The following STOX2 variants were observed in gnomAD, a reference collection of about 807,000 sequenced individuals.
STOX2 encodes storkhead box 2.
In STOX2, 28 loss-of-function variants were observed where a neutral mutation model predicts 60.9. The ratio of observed to expected loss-of-function variants is 0.46; its 90% CI spans 0.34 to 0.63. STOX2 has a LOEUF of 0.63. Ranked by LOEUF, STOX2 falls within the 30% of genes least tolerant of loss-of-function variation. The pLI is 0.01. For synonymous variants in STOX2, 472 were observed against 463.9 expected, an observed-to-expected ratio of 1.02 and a Z score of -0.22; for missense variants, 1,024 against 1,187.7, an observed-to-expected ratio of 0.86 and a Z score of 2.03.
intron 1 of STOX2, among the ~76,000 whole-genome samples, chr4:183,907,380 C>A (rs62339673): frequency 0.53 from 80,050 of 152,004 alleles, 22,561 homozygotes; most frequent in Non-Finnish European, 0.63. Context: ...AGGTTCCATG[C>A]GCAGCTCTGG....
At chr4:183,813,461 T>C (rs1000029618) in intron 1 of STOX2, among the ~76,000 whole-genome samples, 2 of 152,216 alleles carry the variant, frequency 1.3e-5, no homozygotes, top group South Asian at 4.1e-4. Flanking sequence ...AAGCTAGAGA[T>C]GATTTAAAGA....
At chr4:183,840,326 G>A (rs1739825581) in intron 1 of STOX2, among the ~76,000 whole-genome samples, 1 of 152,094 alleles carries the variant, frequency 6.6e-6, no homozygotes. Flanking sequence ...TGTTACAAAT[G>A]TCTTTTCTTT....
intron 1 of STOX2, among the ~76,000 whole-genome samples, chr4:183,810,542 G>A (rs1347970244): frequency 1.3e-5 from 2 of 152,102 alleles, no homozygotes; most frequent in Non-Finnish European, 2.9e-5. Context: ...GGGGTGCTGT[G>A]GTTTAAATGT....
intron 1 of STOX2, among the ~76,000 whole-genome samples, chr4:183,928,586 T>C (rs1742312734): frequency 6.6e-6 from 1 of 152,104 alleles, no homozygotes; most frequent in Admixed American, 6.6e-5. Context: ...GGCACAAAAA[T>C]TTTAATCCCA....
intron 1 of STOX2, among the ~76,000 whole-genome samples, chr4:183,918,355 G>A (rs992569591): frequency 6.6e-5 from 10 of 152,162 alleles, no homozygotes; most frequent in Admixed American, 3.3e-4. Flanking sequence ...CAGTGTTCCC[G>A]TGGAATATAA....
intron 1 of STOX2, among the ~76,000 whole-genome samples, chr4:183,945,416 G>A (rs565856634): frequency 6.6e-6 from 1 of 152,094 alleles, no homozygotes; most frequent in South Asian, 2.1e-4. Context: ...ATTATTTATT[G>A]ATTAGAATGA....
chr4:183,968,186 C>T (rs908756977), intron 1 of STOX2, among the ~76,000 whole-genome samples: 1 of 152,130 alleles, frequency 6.6e-6, no homozygotes, highest in Admixed American at 6.5e-5. Flanking sequence ...TTTTGGACTT[C>T]ACGTTCAAAG....
At chr4:183,945,348 G>C (rs1301360483) in intron 1 of STOX2, among the ~76,000 whole-genome samples, 1 of 151,934 alleles carries the variant, frequency 6.6e-6, no homozygotes, top group Admixed American at 6.6e-5. Context: ...GAGAGAGAGA[G>C]GGTCGTGACA....
intron 1 of STOX2, among the ~76,000 whole-genome samples, chr4:183,924,861 G>A (rs1742197265): frequency 6.6e-6 from 1 of 152,148 alleles, no homozygotes; most frequent in Non-Finnish European, 1.5e-5. Flanking sequence ...CCAGAGTCAA[G>A]ATAGCTGTGC....
intron 1 of STOX2, among the ~76,000 whole-genome samples, chr4:183,881,930 A>G (rs1445914887): frequency 6.6e-6 from 1 of 152,190 alleles, no homozygotes; most frequent in Non-Finnish European, 1.5e-5. Context: ...AACAACTTTA[A>G]AAGTAACGTA....
At chr4:183,867,693 T>C (rs977601559) in intron 1 of STOX2, among the ~76,000 whole-genome samples, 7 of 152,178 alleles carry the variant, frequency 4.6e-5, no homozygotes, top group Non-Finnish European at 8.8e-5. Context: ...TTTTCCCATA[T>C]AGTTAATTCT....
chr4:183,970,139 CGTGTGTGTGT>C (rs3042606), intron 1 of STOX2, among the ~76,000 whole-genome samples: 47 of 126,986 alleles, frequency 3.7e-4, no homozygotes, highest in Admixed American at 2.9e-3. Flanking sequence ...ACTACATGTA[CGTGTGTGTGT>C]GTGTGTGTGT....
intron 1 of STOX2, among the ~76,000 whole-genome samples, chr4:183,936,294 T>C (rs1338259373): frequency 6.6e-6 from 1 of 152,218 alleles, no homozygotes; most frequent in Non-Finnish European, 1.5e-5. Context: ...TCGTGTAGCC[T>C]AGCCTAGCCC....
chr4:183,980,541 C>G (rs1477420115), intron 1 of STOX2, among the ~76,000 whole-genome samples: 1 of 152,122 alleles, frequency 6.6e-6, no homozygotes, highest in Non-Finnish European at 1.5e-5. Context: ...TTGTGGTGTG[C>G]CCCTTCCAAC....
chr4:183,842,514 C>T (rs1035704072), intron 1 of STOX2, among the ~76,000 whole-genome samples: 3 of 152,022 alleles, frequency 2.0e-5, no homozygotes, highest in Non-Finnish European at 2.9e-5. Context: ...GGATGTGTGG[C>T]AATAATACAG....
intron 1 of STOX2, among the ~76,000 whole-genome samples, chr4:183,834,030 C>T (rs1019796149): frequency 2.0e-5 from 3 of 151,488 alleles, no homozygotes; most frequent in African/African-American, 7.3e-5. Flanking sequence ...TCACAAAATC[C>T]AGGCATGAGT....
At chr4:183,918,802 G>T (rs576531233) in intron 1 of STOX2, among the ~76,000 whole-genome samples, 3 of 152,332 alleles carry the variant, frequency 2.0e-5, no homozygotes, top group Admixed American at 2.0e-4. Context: ...ACGAGCAGAC[G>T]GTTTGGCAGC....
intron 1 of STOX2, among the ~76,000 whole-genome samples, chr4:183,980,741 A>G (rs901085727): frequency 6.7e-5 from 10 of 149,318 alleles, no homozygotes; most frequent in Admixed American, 6.7e-5. Context: ...CTTTTCATGT[A>G]TGTTTACTTT....
At chr4:183,949,271 G>C (rs1299907301) in intron 1 of STOX2, among the ~76,000 whole-genome samples, 1 of 152,062 alleles carries the variant, frequency 6.6e-6, no homozygotes. Context: ...CAAATACACA[G>C]GCTAATTTTA....
Sources: allele counts gnomAD v4.1 joint callset (sites outside exome capture counted in the v4.1 genomes callset), GRCh38; gene constraint gnomAD v4.1.1; transcripts MANE v1.5; gene names NCBI Gene and HGNC (gene_info 2026-07-23, HGNC 2026-07-21).